SPEG: variants seen among roughly 807,000 people sequenced by gnomAD.
SPEG encodes striated muscle enriched protein kinase, also known as striated muscle preferentially expressed protein kinase.
Under a neutral mutation model 300.4 loss-of-function variants are expected in SPEG, and 114 were observed. That is an observed-to-expected ratio of 0.38 (90% CI 0.33 to 0.44). The LOEUF (loss-of-function observed/expected upper bound fraction) is 0.44. SPEG is among the 20% of genes least tolerant of loss of function. The probability of loss-of-function intolerance (pLI) is 1.00; values close to 1 mark genes in which losing one functional copy is unlikely to be tolerated. For synonymous variants in SPEG, 1,964 were observed against 2,018.9 expected (o/e 0.97, Z 0.73); for missense variants, 4,201 against 4,586.2 (o/e 0.92, Z 2.43).
chr2:219,462,477 T>C (rs1371074370), intron 8 of SPEG, 91 bp downstream of exon 8: 2 of 1,049,652 alleles, frequency 1.9e-6, no homozygotes, highest in Middle Eastern at 2.8e-4. Flanking sequence ...AAATGGAATC[T>C]TGGTGGGCTT....
At position 219,443,780 on chromosome 2, in the gene SPEG, A is replaced by T. The variant is rs1689087110; in HGVS notation, c.389-873A>T. On this transcript the variant is annotated intron_variant, in intron 1 of 40. Transcript: ENST00000312358. This position sits in a 1 kb window ranked among gnomAD's most constrained non-coding sequence, Gnocchi z 4.6. The stretch of plus-strand genomic sequence containing the variant: ...TGTGTGTGCATGTGTGTGTGTGGCC[A>T]GTGGCAGCACCAGTAAGTGCCAAGG... 2 of 363,360 alleles carry T rather than the reference A, an allele frequency of 5.5e-6. No individual in the cohort carries two copies. Among genetic ancestry groups the T allele is most frequent in the African/African-American group, 2.1e-5 (1 of 46,990 alleles). The allele number at this position is 363,360 out of a possible 1,614,324, so 22.5% of individuals were successfully genotyped here.
At chr2:219,466,625 C>T (rs1179968455) in intron 9 of SPEG, 7 of 1,003,616 alleles carry the variant, frequency 7.0e-6, no homozygotes, top group Non-Finnish European at 8.3e-6. Flanking sequence ...CACAAAAGAC[C>T]AAAAGCCAGA....
chr2:219,441,632 G>A (rs1483897587), intron 1 of SPEG: 1 of 468,816 alleles, frequency 2.1e-6, no homozygotes, highest in South Asian at 1.6e-5. Flanking sequence ...CTGCCAGAAA[G>A]TGGCCTGAGC....
rs1375134655 is a variant in SPEG, at chr2:219,489,668, C to T, written c.8650C>T (p.Pro2884Ser). 8 of 1,614,074 alleles carry T rather than the reference C, an allele frequency of 5.0e-6. No homozygotes were observed. The highest frequency in any genetic ancestry group is 6.8e-6 in the Non-Finnish European group (8 of 1,180,012). ...PFVLDTGTPIPASTPQGVKPV... is the reference protein window; with the variant it reads ...PFVLDTGTPISASTPQGVKPV... ...CGTCCTTGACACTGGGACCCCGATC[C>T]CAGCCTCCACTCCTCAAGGGGTTAA... The change falls in exon 36 of 41, where the codon CCA becomes TCA. Residue 2884 changes from proline (P) to serine (S), a missense_variant. Transcript: ENST00000312358.
At position 219,467,228 on chromosome 2, in the gene SPEG, TG is replaced by T; in HGVS notation, c.2941del (p.Ala981ProfsTer70). ...CTGGCCCCCCTGCAGGACGTGGACG[TG>T]GGGGCCGGGGAGATGGCGCTGTTTG... is the stretch of plus-strand genomic sequence containing the variant. ...AVLAPLQDVD[V>X]GAGEMALFEC... On this transcript the variant is annotated frameshift_variant, in exon 10 of 41. Transcript: ENST00000312358. LOFTEE classifies it high-confidence loss of function. The T allele has an allele frequency of 6.2e-7, 1 of 1,601,996 alleles. No individual in the cohort carries two copies. Among genetic ancestry groups the T allele is most frequent in the Non-Finnish European group, 8.5e-7 (1 of 1,176,062 alleles).
Position 219,477,248 on chromosome 2 carries a change from C to G in SPEG, c.4561-29C>G. 2.4e-6 allele frequency: 3 copies of G among 1,267,828 alleles called. No homozygotes were observed. In the East Asian group the frequency reaches 8.9e-5, roughly 38 times the overall value. The allele number at this position is 1,267,828 out of a possible 1,614,324, so 78.5% of individuals were successfully genotyped here. The stretch of plus-strand genomic sequence containing the variant: ...CCCAAGGTAGAGATGAGGCCAGGCC[C>G]AGGCTGAAGGTGAGACCCCACTCTG... On this transcript the variant is annotated intron_variant, in intron 19 of 40. Transcript: ENST00000312358. The surrounding 1 kb of genome is among the most constrained non-coding windows in gnomAD (Gnocchi z 6.4).
chr2:219,488,049 G>T (rs1458458448), intron 31 of SPEG, 145 bp from the exon 32 acceptor site: 1 of 643,374 alleles, frequency 1.6e-6, no homozygotes, highest in Admixed American at 2.6e-5. Flanking sequence ...CATGGCGTGG[G>T]GTTCCACTTT....
rs1692866496 is a variant in SPEG, at chr2:219,481,774, A to T, written c.5565+94A>T. 1 of 1,109,954 alleles carries T rather than the reference A, an allele frequency of 9.0e-7. No homozygotes were observed. The highest frequency in any genetic ancestry group is 1.4e-6 in the Non-Finnish European group (1 of 726,168). The allele number at this position is 1,109,954 out of a possible 1,614,324, so 68.8% of individuals were successfully genotyped here. ...TATTGAGTACCTACTGTGTGCAGTA[A>T]CCACGTTAGGCATTGTATGTACATA... is the stretch of plus-strand genomic sequence containing the variant. On this transcript the variant is annotated intron_variant, in intron 28 of 40. Transcript: ENST00000312358. The surrounding 1 kb of genome is among the most constrained non-coding windows in gnomAD (Gnocchi z 5.4).
At position 219,480,458 on chromosome 2, in the gene SPEG, C is replaced by T. The variant is rs1692734001; in HGVS notation, c.5343-213C>T. Among the ~76,000 whole-genome samples the T allele has an allele frequency of 6.6e-6, 1 of 152,170 alleles. No homozygotes were observed. The highest frequency in any genetic ancestry group is 1.5e-5 in the Non-Finnish European group (1 of 68,006). ...TTGGTTCCCAGGCTTCCCTGGGCTT[C>T]CTGGGCCAGCCCTGCCATGACCCTG... On this transcript the variant is annotated intron_variant, in intron 25 of 40. Coordinates refer to ENST00000312358, the MANE Select transcript of SPEG (RefSeq NM_005876.5). This position sits in a 1 kb window ranked among gnomAD's most constrained non-coding sequence, Gnocchi z 5.3.
chr2:219,436,071 C>T (rs1006863357), intron 1 of SPEG, among the ~76,000 whole-genome samples: 4 of 152,154 alleles, frequency 2.6e-5, no homozygotes, highest in African/African-American at 9.7e-5. Context: ...GGTATGGGCA[C>T]GTGGAGCTGG....
In SPEG at chr2:219,479,705, C is replaced by G. The variant is rs909581690; in HGVS notation, c.5086-78C>G. On this transcript the variant is annotated intron_variant, in intron 23 of 40. Transcript: ENST00000312358. This position sits in a 1 kb window ranked among gnomAD's most constrained non-coding sequence, Gnocchi z 5.5. ...CTGAAGGCTACTCCACAGGCACAGC[C>G]GGACCGCTTGCCGCCCTGGAGGTGT... The G allele has an allele frequency of 7.3e-7, 1 of 1,364,284 alleles. No individual in the cohort carries two copies. The allele number at this position is 1,364,284 out of a possible 1,614,324, so 84.5% of individuals were successfully genotyped here. A position where few individuals can be genotyped will look rare whatever the true frequency, so the allele number is the denominator to read the frequency against.
rs55759642 is a variant in SPEG, at chr2:219,469,192, G to A, written c.3528G>A (p.Glu1176=). 2.3e-4 allele frequency: 369 copies of A among 1,613,696 alleles called. 1 individual carries two copies. In the East Asian group the frequency reaches 7.4e-3, roughly 32 times the overall value. ...AGAAGATGCCATCCATTCCCGAGGAGCCAGAGCAGGGTGAGCTGGAGCGGC... is the reference window on the plus strand; with the variant it reads ...AGAAGATGCCATCCATTCCCGAGGAACCAGAGCAGGGTGAGCTGGAGCGGC... ...KLEKMPSIPE[E]PEQGELERLS... Residue 1176 remains glutamate (E), a synonymous_variant, in exon 13 of 41, where the codon GAG becomes GAA. Coordinates refer to ENST00000312358, the MANE Select transcript of SPEG (RefSeq NM_005876.5).
chr2:219,470,856 G>C (rs1164215270), intron 13 of SPEG, among the ~76,000 whole-genome samples: 1 of 152,188 alleles, frequency 6.6e-6, no homozygotes, highest in Admixed American at 6.5e-5. Flanking sequence ...TTGTTGCAAG[G>C]ATTCACGAGG....
Position 219,473,231 on chromosome 2 carries a change from C to T in SPEG, c.4147+135C>T, listed in dbSNP as rs1692049242. On this transcript the variant is annotated intron_variant, in intron 16 of 40. Coordinates refer to ENST00000312358, the MANE Select transcript of SPEG (RefSeq NM_005876.5). The surrounding 1 kb of genome is among the most constrained non-coding windows in gnomAD (Gnocchi z 4.6). ...AGCCTAGCCGGGCGGGACCTTGGCC[C>T]ATCTGTACACTTCCTTCTCCCTCCT... The T allele has an allele frequency of 6.9e-6, 6 of 868,114 alleles. No homozygotes were observed. The South Asian group carries it at 1.0e-4, about 15-fold the overall frequency. 53.8% of individuals were successfully genotyped at this position (868,114 alleles called of 1,614,324 possible).
At position 219,488,784 on chromosome 2, in the gene SPEG, C is replaced by T; in HGVS notation, c.8033C>T (p.Pro2678Leu). ...CTCTTCTTTCTCTTGCCAGGAGTCC[C>T]AGGAAAGCTAGCTCCTCCAGAGGTA... ...SSCTVAVARV[P>L]GKLAPPEVPQ... Residue 2678 changes from proline (P) to leucine (L), a missense_variant, in exon 34 of 41, where the codon CCA (proline) becomes CTA (leucine). Pro to Leu is a moderately conservative substitution (Grantham distance 98). This residue lies in a region of SPEG where 1,578 missense variants were observed against 1,506.0 expected (regional missense o/e 1.05). Coordinates refer to ENST00000312358, the MANE Select transcript of SPEG (RefSeq NM_005876.5). The T allele has an allele frequency of 1.2e-6, 2 of 1,605,470 alleles. No homozygotes were observed. The highest frequency in any genetic ancestry group is 1.7e-6 in the Non-Finnish European group (2 of 1,175,418).
Position 219,484,271 on chromosome 2 carries a change from T to G in SPEG, c.6808T>G (p.Ser2270Ala). Residue 2270 changes from serine to alanine, a missense_variant, in exon 30 of 41, where the codon TCA (serine) becomes GCA (alanine). This residue lies in a region of SPEG where 1,578 missense variants were observed against 1,506.0 expected (regional missense o/e 1.05). Transcript: ENST00000312358. ...GPSQGPAAPP[S>A]EPKPHAAVFA... ...CTCGCAGGGCCCTGCCGCGCCGCCT[T>G]CAGAGCCCAAGCCCCACGCTGCTGT... 6.2e-7 allele frequency: 1 copy of G among 1,608,998 alleles called. No individual in the cohort carries two copies. The highest frequency in any genetic ancestry group is 8.5e-7 in the Non-Finnish European group (1 of 1,179,672).
In SPEG at chr2:219,449,031, G is replaced by T; in HGVS notation, c.1873G>T (p.Ala625Ser). 2.0e-6 allele frequency: 3 copies of T among 1,520,268 alleles called. No individual in the cohort carries two copies. The highest frequency in any genetic ancestry group is 2.6e-6 in the Non-Finnish European group (3 of 1,134,112). The allele number at this position is 1,520,268 out of a possible 1,614,324, so 94.2% of individuals were successfully genotyped here. The change falls in exon 4 of 41, where the codon GCA becomes TCA. Residue 625 changes from alanine to serine, a missense_variant. Physicochemically the swap from Ala to Ser is moderately conservative, Grantham distance 99 (BLOSUM62 1). Transcript: ENST00000312358. ...AADPPEARTK[A>S]PPGRKREPPA... The stretch of plus-strand genomic sequence containing the variant: ...CGATCCCCCAGAGGCCAGGACGAAA[G>T]CACCCCCCGGTCGGAAGCGGGAGCC...
chr2:219,464,959 C>A lies in SPEG; in HGVS notation c.2881+351C>A. 4.8e-6 allele frequency: 1 copy of A among 209,254 alleles called. No homozygotes were observed. The highest frequency in any genetic ancestry group is 1.2e-4 in the South Asian group (1 of 8,680). The allele number at this position is 209,254 out of a possible 1,614,324, so 13.0% of individuals were successfully genotyped here. On this transcript the variant is annotated intron_variant, in intron 9 of 40. Transcript: ENST00000312358. This position sits in a 1 kb window ranked among gnomAD's most constrained non-coding sequence, Gnocchi z 4.5. ...TCACCCTGCTCTGCCCAGGACCCTC[C>A]CTCATCCCCCTCCCCCTCTCCTCTC...
chr2:219,488,971 C>G (rs966971724), intron 34 of SPEG, 71 bp downstream of exon 34: 1 of 1,602,658 alleles, frequency 6.2e-7, no homozygotes, highest in Non-Finnish European at 8.5e-7. Flanking sequence ...AAGGCCAGTG[C>G]CCTCCCAGGC....
Sources: allele counts gnomAD v4.1 joint callset (sites outside exome capture counted in the v4.1 genomes callset), GRCh38; gene constraint gnomAD v4.1.1; regional missense constraint gnomAD v4.1.1; non-coding constraint Gnocchi (gnomAD v3.1); transcripts MANE v1.5; gene names NCBI Gene and HGNC (gene_info 2026-07-23, HGNC 2026-07-21).